Variants in CCDC152 observed in about 807,000 individuals in gnomAD.
CCDC152 encodes coiled-coil domain-containing protein 152.
A neutral mutation model predicts 38.1 loss-of-function variants in CCDC152; 37 were observed. The observed-to-expected ratio is 0.97, with a 90% confidence interval of 0.75 to 1.28. The LOEUF (loss-of-function observed/expected upper bound fraction) is 1.28. Among genes scored for constraint, CCDC152 ranks in the 50% most tolerant of loss-of-function variants. CCDC152 has a pLI of 0.00. For synonymous variants in CCDC152, 83 were observed against 87.1 expected, an observed-to-expected ratio of 0.95 and a Z score of 0.26; for missense variants, 259 against 292.1, an observed-to-expected ratio of 0.89 and a Z score of 0.83.
intron 7 of CCDC152, among the ~76,000 whole-genome samples, chr5:42,798,158 C>T (rs985166838): frequency 2.6e-5 from 4 of 151,988 alleles, no homozygotes; most frequent in Non-Finnish European, 5.9e-5. Flanking sequence ...AATAAATAAA[C>T]AAACAGTCTT....
chr5:42,787,664 GT>G (rs74363415), intron 6 of CCDC152, among the ~76,000 whole-genome samples: 39,378 of 151,982 alleles, frequency 0.26, 5,683 homozygotes, highest in Admixed American at 0.38. Flanking sequence ...TTATATAGTA[GT>G]TAGGTAATTG....
intron 3 of CCDC152, among the ~76,000 whole-genome samples, chr5:42,767,200 A>G (rs933844914): frequency 4.6e-5 from 7 of 152,118 alleles, no homozygotes; most frequent in Non-Finnish European, 1.0e-4. Flanking sequence ...AGGAGGGGCA[A>G]ACTACACATG....
At chr5:42,779,580 T>TA in intron 5 of CCDC152, 58 bp downstream of exon 5, 1 of 959,446 alleles carries the variant, frequency 1.0e-6, no homozygotes, top group Non-Finnish European at 1.5e-6. Flanking sequence ...TCTTTTCAAA[T>TA]TAGGAAAAAA....
At chr5:42,798,501 A>C (rs1331935034) in intron 7 of CCDC152, among the ~76,000 whole-genome samples, 3 of 152,210 alleles carry the variant, frequency 2.0e-5, no homozygotes, top group African/African-American at 4.8e-5. Context: ...CACAAACCAC[A>C]GGAAAGGCTG....
chr5:42,791,106 C>G (rs541554906), intron 6 of CCDC152, among the ~76,000 whole-genome samples: 1 of 152,308 alleles, frequency 6.6e-6, no homozygotes, highest in East Asian at 1.9e-4. Context: ...ATAATTGGTT[C>G]AGGTCTGGAG....
rs747019440 is a variant in CCDC152 at position 42,801,366 on chromosome 5, T to C, written c.*1585T>C. 2.0e-5 allele frequency: 29 copies of C among 1,479,482 alleles called. No homozygotes were observed. The highest frequency in any genetic ancestry group is 2.7e-5 in the Non-Finnish European group (29 of 1,091,442). 91.6% of individuals were successfully genotyped at this position (1,479,482 alleles called of 1,614,324 possible). A position where few individuals can be genotyped will look rare whatever the true frequency, so the allele number is the denominator to read the frequency against. ...ATTTATAAATCACTTTTTAACAAGC[T>C]TATAGAGATAGGAATAATGCGTGAA... On this transcript the variant is annotated 3_prime_UTR_variant, in exon 9 of 9. Coordinates refer to ENST00000361970, the MANE Select transcript of CCDC152 (RefSeq NM_001134848.2).
chr5:42,760,503 A>G (rs1384259416), intron 2 of CCDC152, among the ~76,000 whole-genome samples: 1 of 152,184 alleles, frequency 6.6e-6, no homozygotes, highest in East Asian at 1.9e-4. Context: ...ACTCTGGACA[A>G]ATGGTAGACC....
intron 4 of CCDC152, among the ~76,000 whole-genome samples, chr5:42,770,984 A>C (rs1191915139): frequency 6.6e-6 from 1 of 152,186 alleles, no homozygotes; most frequent in Non-Finnish European, 1.5e-5. Flanking sequence ...TGTATACTGC[A>C]ACTTTACTGA....
Position 42,801,086 on chromosome 5 carries a change from G to A in CCDC152, c.*1305G>A. 1.2e-6 allele frequency: 2 copies of A among 1,614,102 alleles called. No homozygotes were observed. Among genetic ancestry groups the A allele is most frequent in the Admixed American group, 1.7e-5 (1 of 60,006 alleles). The stretch of plus-strand genomic sequence containing the variant: ...AATCTTCACTTGCTGGCATATCTCG[G>A]TTCTCTGGGTGACCCTGCCTATGCT... On this transcript the variant is annotated 3_prime_UTR_variant, in exon 9 of 9. Coordinates refer to ENST00000361970, the MANE Select transcript of CCDC152 (RefSeq NM_001134848.2).
chr5:42,776,710 T>A (rs1221081180), intron 4 of CCDC152, among the ~76,000 whole-genome samples: 1 of 152,126 alleles, frequency 6.6e-6, no homozygotes, highest in Non-Finnish European at 1.5e-5. Flanking sequence ...AGTCATACAA[T>A]GTCTGCTGTC....
intron 6 of CCDC152, among the ~76,000 whole-genome samples, chr5:42,788,566 C>A (rs528204490): frequency 2.6e-5 from 4 of 152,122 alleles, no homozygotes; most frequent in Admixed American, 2.0e-4. Flanking sequence ...GGTCCTTCAT[C>A]TGTATGTCTC....
chr5:42,765,304 T>C (rs1759609850), intron 3 of CCDC152, among the ~76,000 whole-genome samples: 1 of 152,176 alleles, frequency 6.6e-6, no homozygotes, highest in Non-Finnish European at 1.5e-5. Context: ...GTTCTTGGAT[T>C]GGAAGAATCA....
chr5:42,774,249 C>G (rs1266112113), intron 4 of CCDC152, among the ~76,000 whole-genome samples: 1 of 152,076 alleles, frequency 6.6e-6, no homozygotes, highest in Non-Finnish European at 1.5e-5. Context: ...GTAGTCAAAT[C>G]TAAGAGATTA....
rs1760128496 is a variant in CCDC152 at position 42,799,417 on chromosome 5, T to C, written c.601T>C (p.Tyr201His). 1.9e-6 allele frequency: 3 copies of C among 1,546,288 alleles called. No homozygotes were observed. The highest frequency in any genetic ancestry group is 2.6e-6 in the Non-Finnish European group (3 of 1,144,384). ...LARVQTKSKS[Y>H]QDSTVLPQSI... is the part of the protein sequence containing the mutation. The stretch of plus-strand genomic sequence containing the variant: ...AAGAGTTCAGACTAAATCAAAATCA[T>C]ATCAGGATTCTACTGTTTTGCCACA... The change falls in exon 8 of 9, where the codon TAT (tyrosine) becomes CAT (histidine). Residue 201 changes from tyrosine (Y) to histidine (H), a missense_variant. Physicochemically the swap from Tyr to His is moderately conservative, Grantham distance 83. Transcript: ENST00000361970.
At position 42,800,881 on chromosome 5, in the gene CCDC152, T is replaced by A. The variant is rs1233951417; in HGVS notation, c.*1100T>A. On this transcript the variant is annotated 3_prime_UTR_variant, in exon 9 of 9. Transcript: ENST00000361970. Reference sequence around the variant, plus strand: ...TCCTCTGCCCGAAGTCCCTGTCAGCTACATAAAGATGGGAGGTTTTCTTTA... The same window carrying A: ...TCCTCTGCCCGAAGTCCCTGTCAGCAACATAAAGATGGGAGGTTTTCTTTA... 1 of 1,614,204 alleles carries A rather than the reference T, an allele frequency of 6.2e-7. No individual in the cohort carries two copies. Among genetic ancestry groups the A allele is most frequent in the Non-Finnish European group, 8.5e-7 (1 of 1,180,028 alleles).
At position 42,796,942 on chromosome 5, in the gene CCDC152, A is replaced by G. The variant is rs1157842354; in HGVS notation, c.544A>G (p.Lys182Glu). 1 of 1,521,598 alleles carries G rather than the reference A, an allele frequency of 6.6e-7. No homozygotes were observed. The highest frequency in any genetic ancestry group is 8.8e-7 in the Non-Finnish European group (1 of 1,137,542). 94.3% of individuals were successfully genotyped at this position (1,521,598 alleles called of 1,614,324 possible). The change falls in exon 7 of 9, where the codon AAG becomes GAG. Residue 182 changes from lysine to glutamate, a missense_variant. Lys to Glu is a moderately conservative substitution (Grantham distance 56). Transcript: ENST00000361970. ...AAAAGAAAAACAAAATGAAATAATC[A>G]AGCTACAACTAGAAGTAAGTGTTTA... ...QEKEKQNEII[K>E]LQLEFDAKLA...
At chr5:42,795,758 A>G (rs1020768449) in intron 6 of CCDC152, among the ~76,000 whole-genome samples, 3 of 152,176 alleles carry the variant, frequency 2.0e-5, no homozygotes, top group African/African-American at 2.4e-5. Context: ...CCAAAGGACT[A>G]TAAATCATGC....
chr5:42,762,815 G>A (rs189538763), intron 3 of CCDC152, among the ~76,000 whole-genome samples: 20 of 152,146 alleles, frequency 1.3e-4, no homozygotes, highest in Admixed American at 1.2e-3. Flanking sequence ...AATAAGAAAT[G>A]GCCAATTGAA....
rs1760158803 is a variant in CCDC152, at chr5:42,800,500, A to G, written c.*719A>G. On this transcript the variant is annotated 3_prime_UTR_variant, in exon 9 of 9. Coordinates refer to ENST00000361970, the MANE Select transcript of CCDC152 (RefSeq NM_001134848.2). The stretch of plus-strand genomic sequence containing the variant: ...AGAAAAAAAAAGACATATTAACCAA[A>G]AGCTGCAATCACCTTTCAGTTGCTC... 2 of 503,852 alleles carry G rather than the reference A, an allele frequency of 4.0e-6. No individual in the cohort carries two copies. Among genetic ancestry groups the G allele is most frequent in the Non-Finnish European group, 6.7e-6 (2 of 296,914 alleles). 31.2% of individuals were successfully genotyped at this position (503,852 alleles called of 1,614,324 possible). A position where few individuals can be genotyped will look rare whatever the true frequency, so the allele number is the denominator to read the frequency against.
Sources: allele counts gnomAD v4.1 joint callset (sites outside exome capture counted in the v4.1 genomes callset), GRCh38; gene constraint gnomAD v4.1.1; transcripts MANE v1.5; gene names NCBI Gene and HGNC (gene_info 2026-07-23, HGNC 2026-07-21).